Variants in DACH1 observed in about 807,000 individuals in gnomAD.
DACH1 encodes dachshund family transcription factor 1, also known as dachshund homolog 1.
In DACH1, 12 loss-of-function variants were observed where a neutral mutation model predicts 54.2. That is an observed-to-expected ratio of 0.22 (90% CI 0.14 to 0.36). The LOEUF (loss-of-function observed/expected upper bound fraction) is 0.36. Among genes scored for constraint, DACH1 ranks in the 10% least tolerant of loss-of-function variants. The pLI, the probability that DACH1 is intolerant of heterozygous loss-of-function variation, is 1.00. For synonymous variants in DACH1, 386 were observed against 366.2 expected, an observed-to-expected ratio of 1.05 and a Z score of -0.62; for missense variants, 805 against 929.8, an observed-to-expected ratio of 0.87 and a Z score of 1.75.
intron 1 of DACH1, among the ~76,000 whole-genome samples, chr13:71,744,613 A>G (rs972996487): frequency 4.6e-5 from 7 of 152,332 alleles, no homozygotes; most frequent in African/African-American, 1.4e-4. Context: ...GTAGCCAAAC[A>G]GTAAGACCAT....
intron 1 of DACH1, among the ~76,000 whole-genome samples, chr13:71,819,299 A>G (rs988015561): frequency 7.2e-5 from 11 of 152,244 alleles, no homozygotes; most frequent in African/African-American, 2.7e-4. Context: ...TTTGCATAGA[A>G]TGAACACATC....
chr13:71,553,008 C>G (rs61957822), intron 6 of DACH1, among the ~76,000 whole-genome samples: 2 of 147,484 alleles, frequency 1.4e-5, no homozygotes, highest in South Asian at 2.1e-4. Flanking sequence ...ATCGTGAAAC[C>G]CTGTCTCTAC....
At chr13:71,574,202 G>A (rs914482033) in intron 3 of DACH1, among the ~76,000 whole-genome samples, 4 of 152,060 alleles carry the variant, frequency 2.6e-5, no homozygotes, top group East Asian at 3.9e-4. Flanking sequence ...TTCAATATTG[G>A]TAGCAATGCC....
chr13:71,743,934 C>T (rs1177224873), intron 1 of DACH1, among the ~76,000 whole-genome samples: 2 of 151,924 alleles, frequency 1.3e-5, no homozygotes, highest in Non-Finnish European at 2.9e-5. Context: ...TGATAAAAGC[C>T]CCCAACCCTG....
chr13:71,737,289 T>A (rs1884179712), intron 1 of DACH1, among the ~76,000 whole-genome samples: 1 of 152,094 alleles, frequency 6.6e-6, no homozygotes, highest in Non-Finnish European at 1.5e-5. Context: ...CTAGGCGTTG[T>A]GCAAAACCAT....
chr13:71,826,496 C>G (rs1888386612), intron 1 of DACH1, among the ~76,000 whole-genome samples: 1 of 151,886 alleles, frequency 6.6e-6, no homozygotes, highest in African/African-American at 2.4e-5. Flanking sequence ...GATGGCATTC[C>G]TAGGAACATC....
At chr13:71,774,576 C>A (rs1359742567) in intron 1 of DACH1, among the ~76,000 whole-genome samples, 1 of 152,056 alleles carries the variant, frequency 6.6e-6, no homozygotes, top group Non-Finnish European at 1.5e-5. Context: ...GATACCAACC[C>A]TTTGAGGAAG....
In DACH1 at chr13:71,462,382, A is replaced by G. The variant is rs372615379; in HGVS notation, c.2083+12759T>C. ...AGCTGCAAATAAAACTCCTTGTGCT[A>G]TATTGTTTTAATTGATGTAATTATT... On this transcript the variant is annotated intron_variant, in intron 10 of 10. Coordinates refer to ENST00000613252, the MANE Select transcript of DACH1 (RefSeq NM_080759.6). Among the ~76,000 whole-genome samples, 7 of 151,986 alleles carry G rather than the reference A, an allele frequency of 4.6e-5. No individual in the cohort carries two copies. The East Asian group carries it at 1.4e-3, about 29-fold the overall frequency.
chr13:71,551,364 GT>G (rs1883803479), intron 6 of DACH1, among the ~76,000 whole-genome samples: 1 of 152,008 alleles, frequency 6.6e-6, no homozygotes, highest in African/African-American at 2.4e-5. Context: ...ATAGATTGCT[GT>G]AAACTATAGT....
intron 1 of DACH1, chr13:71,704,602 C>T (rs566083028): frequency 4.4e-6 from 2 of 453,114 alleles, no homozygotes; most frequent in East Asian, 6.5e-5. Flanking sequence ...TATGAGAACC[C>T]ATGGCAGGGA....
intron 1 of DACH1, among the ~76,000 whole-genome samples, chr13:71,838,606 T>C (rs1032827520): frequency 3.4e-4 from 52 of 152,180 alleles, no homozygotes; most frequent in Admixed American, 3.3e-3. Context: ...TTATAAGCCA[T>C]CTGGTGTGAG....
intron 1 of DACH1, among the ~76,000 whole-genome samples, chr13:71,743,277 G>A (rs1884478843): frequency 1.3e-5 from 2 of 152,106 alleles, no homozygotes; most frequent in African/African-American, 4.8e-5. Flanking sequence ...CTAGATATGT[G>A]GAACAGAGTG....
chr13:71,768,449 A>G (rs747615073), intron 1 of DACH1, among the ~76,000 whole-genome samples: 2 of 151,994 alleles, frequency 1.3e-5, no homozygotes, highest in Non-Finnish European at 2.9e-5. Context: ...GGCCTATGTC[A>G]GAAGGGTGTA....
In DACH1 at chr13:71,439,167, A is replaced by C. The variant is rs747327066; in HGVS notation, c.*1488T>G. On this transcript the variant is annotated 3_prime_UTR_variant, in exon 11 of 11. Coordinates refer to ENST00000613252, the MANE Select transcript of DACH1 (RefSeq NM_080759.6). ...TTTTGCTGTTTTGTGGTAATAAATA[A>C]TGTTACGATCATACAATTTTAAGAT... 2 of 152,500 alleles carry C rather than the reference A, an allele frequency of 1.3e-5. No individual in the cohort carries two copies. Among genetic ancestry groups the C allele is most frequent in the Admixed American group, 1.3e-4 (2 of 15,242 alleles). The allele number at this position is 152,500 out of a possible 1,614,324, so 9.4% of individuals were successfully genotyped here. A position where few individuals can be genotyped will look rare whatever the true frequency, so the allele number is the denominator to read the frequency against.
intron 1 of DACH1, among the ~76,000 whole-genome samples, chr13:71,705,019 A>G (rs1882363301): frequency 6.6e-6 from 1 of 152,218 alleles, no homozygotes; most frequent in African/African-American, 2.4e-5. Context: ...ATTTTGATTA[A>G]AAGACTATTC....
intron 6 of DACH1, among the ~76,000 whole-genome samples, chr13:71,507,190 T>C (rs1880403940): frequency 6.6e-6 from 1 of 152,192 alleles, no homozygotes; most frequent in South Asian, 2.1e-4. Context: ...GATCTATCCA[T>C]GCAGTAGTGA....
chr13:71,716,668 G>T (rs1287506801), intron 1 of DACH1, among the ~76,000 whole-genome samples: 1 of 151,986 alleles, frequency 6.6e-6, no homozygotes, highest in Admixed American at 6.6e-5. Context: ...AATAATTTAT[G>T]TATTATTTTA....
chr13:71,710,664 G>A (rs773033869), intron 1 of DACH1, among the ~76,000 whole-genome samples: 1 of 152,134 alleles, frequency 6.6e-6, no homozygotes, highest in East Asian at 1.9e-4. Flanking sequence ...TAAGGTTTGA[G>A]TAAGTATCAT....
intron 4 of DACH1, among the ~76,000 whole-genome samples, chr13:71,570,981 G>T (rs1885158951): frequency 6.6e-6 from 1 of 152,046 alleles, no homozygotes; most frequent in Non-Finnish European, 1.5e-5. Flanking sequence ...TATAAATAAA[G>T]GCTTTTTGAT....
Sources: allele counts gnomAD v4.1 joint callset (sites outside exome capture counted in the v4.1 genomes callset), GRCh38; gene constraint gnomAD v4.1.1; transcripts MANE v1.5; gene names NCBI Gene and HGNC (gene_info 2026-07-23, HGNC 2026-07-21).